The following SLC39A10 variants were observed in gnomAD, a reference collection of about 807,000 sequenced individuals.
SLC39A10 encodes the protein zinc transporter ZIP10.
SLC39A10 carries 13 observed loss-of-function variants against 65.1 expected under a neutral mutation model. The ratio of observed to expected loss-of-function variants is 0.20; its 90% CI spans 0.13 to 0.32. SLC39A10 has a LOEUF of 0.32. Ranked by LOEUF, SLC39A10 falls within the 10% of genes least tolerant of loss-of-function variation. SLC39A10 has a pLI of 1.00. For missense variants in SLC39A10, 831 were observed against 1,018.4 expected, an observed-to-expected ratio of 0.82 and a Z score of 2.50; for synonymous variants, 321 against 342.2, an observed-to-expected ratio of 0.94 and a Z score of 0.68.
intron 9 of SLC39A10, among the ~76,000 whole-genome samples, chr2:195,731,790 GTT>G (rs1692440058): frequency 6.6e-6 from 1 of 152,168 alleles, no homozygotes; most frequent in Admixed American, 6.5e-5. Context: ...AAAGAATGGA[GTT>G]TATTAGAAGC....
At chr2:195,661,464 TC>T in intron 1 of SLC39A10, among the ~76,000 whole-genome samples, 1 of 152,222 alleles carries the variant, frequency 6.6e-6, no homozygotes, top group Admixed American at 6.5e-5. Flanking sequence ...GGTCACAAAC[TC>T]TTGGGCTCAG....
At chr2:195,617,870 G>A (rs1392756890) in intron 2 of SLC39A10, among the ~76,000 whole-genome samples, 5 of 151,330 alleles carry the variant, frequency 3.3e-5, no homozygotes, top group South Asian at 2.1e-4. Context: ...CTCCCGAGTA[G>A]CTGGGACCAC....
intron 1 of SLC39A10, among the ~76,000 whole-genome samples, chr2:195,661,799 G>A (rs1376159030): frequency 6.6e-6 from 1 of 152,130 alleles, no homozygotes; most frequent in Non-Finnish European, 1.5e-5. Context: ...GCTTGTACAA[G>A]TATAAGGACA....
intron 2 of SLC39A10, among the ~76,000 whole-genome samples, chr2:195,617,921 A>T (rs1460999148): frequency 6.7e-6 from 1 of 149,812 alleles, no homozygotes; most frequent in African/African-American, 2.4e-5. Flanking sequence ...TTGTATTTTT[A>T]GTAGAGACGG....
rs1433744823 is a variant in SLC39A10 at position 195,681,048 on chromosome 2, GAAGT to G, written c.1008+4_1008+7del. 2 of 1,602,000 alleles carry G rather than the reference GAAGT, an allele frequency of 1.2e-6. No individual in the cohort carries two copies. Among genetic ancestry groups the G allele is most frequent in the African/African-American group, 1.3e-5 (1 of 74,488 alleles). ...TCTAAATGAAGATGACCATCATCAT[GAAGT>G]AAGTATAAAAAGATGTCCGATAGCT... On this transcript the variant is annotated splice_donor_variant and coding_sequence_variant, in exon 2 of 10. Coordinates refer to ENST00000359634, the MANE Select transcript of SLC39A10 (RefSeq NM_020342.3). LOFTEE classifies it high-confidence loss of function.
At chr2:195,724,027 A>T (rs894032192) in intron 8 of SLC39A10, among the ~76,000 whole-genome samples, 1 of 116,662 alleles carries the variant, frequency 8.6e-6, no homozygotes, top group Non-Finnish European at 2.2e-5. Flanking sequence ...AATTTAAAAT[A>T]AGATTTTCAT....
chr2:195,669,953 G>A (rs539956108), intron 1 of SLC39A10, among the ~76,000 whole-genome samples: 2 of 152,358 alleles, frequency 1.3e-5, no homozygotes, highest in East Asian at 3.9e-4. Flanking sequence ...AAGTTCAGGA[G>A]ATCAAGACCA....
At chr2:195,695,079 G>A (rs10931707) in intron 3 of SLC39A10, among the ~76,000 whole-genome samples, 65,505 of 151,972 alleles carry the variant, frequency 0.43, 16,228 homozygotes, top group Non-Finnish European at 0.57. Context: ...AGCTGCAAAC[G>A]GAGGCAACTT....
upstream of SLC39A10, chr2:195,657,220 T>G: frequency 9.4e-6 from 2 of 212,698 alleles, no homozygotes; most frequent in Non-Finnish European, 1.6e-5. Flanking sequence ...GAATACACGA[T>G]TTGGTGCAGC....
Position 195,696,299 on chromosome 2 carries a change from GTTT to G in SLC39A10, c.1217-10313_1217-10311del, listed in dbSNP as rs1444834288. ...TGCAGTTTCACATGAATTTTAGGAT[GTTT>G]TTTATTTTTTATTTCTGAAAAAAAA... On this transcript the variant is annotated intron_variant, in intron 3 of 9. Transcript: ENST00000359634. 2.1e-4 allele frequency among the ~76,000 whole-genome samples: 26 copies of G among 123,322 alleles called. No homozygotes were observed. In the Admixed American group the frequency reaches 2.1e-3, roughly 10 times the overall value. 80.9% of individuals were successfully genotyped at this position (123,322 alleles called of 152,430 possible). A position where few individuals can be genotyped will look rare whatever the true frequency, so the allele number is the denominator to read the frequency against.
intron 3 of SLC39A10, among the ~76,000 whole-genome samples, chr2:195,705,069 T>G (rs565777530): frequency 6.6e-6 from 1 of 152,290 alleles, no homozygotes; most frequent in Admixed American, 6.5e-5. Flanking sequence ...AAGTGCTGTT[T>G]ACAAGCGTGA....
At chr2:195,620,895 C>T (rs1478648606) in intron 2 of SLC39A10, among the ~76,000 whole-genome samples, 1 of 152,170 alleles carries the variant, frequency 6.6e-6, no homozygotes, top group Non-Finnish European at 1.5e-5. Context: ...GAAAACCTGT[C>T]TCTTGCCATA....
rs149762701 is a variant in SLC39A10, at chr2:195,620,704, A to G, written c.-12+14471A>G. Among the ~76,000 whole-genome samples the G allele has an allele frequency of 2.7e-3, 412 of 152,308 alleles. 2 individuals are homozygous for G. Among genetic ancestry groups the G allele is most frequent in the African/African-American group, 8.9e-3 (371 of 41,554 alleles). On this transcript the variant is annotated intron_variant, in intron 2 of 2. Coordinates refer to the SLC39A10 transcript ENST00000458054. ...TCTACACTGTCAGCGCCCCTTCAAG[A>G]GCCATTCATTCATTGAATAACTATT...
chr2:195,727,277 T>C (rs1309524661), intron 8 of SLC39A10, among the ~76,000 whole-genome samples: 2 of 152,200 alleles, frequency 1.3e-5, no homozygotes, highest in Non-Finnish European at 2.9e-5. Context: ...GTTTTTGTCT[T>C]ACATCAGCTC....
At chr2:195,659,774 TAGTG>T (rs1034600885) in intron 1 of SLC39A10, among the ~76,000 whole-genome samples, 2 of 152,162 alleles carry the variant, frequency 1.3e-5, no homozygotes, top group African/African-American at 4.8e-5. Context: ...CTGAAGATGA[TAGTG>T]AGTTGATTTT....
upstream of SLC39A10, among the ~76,000 whole-genome samples, chr2:195,652,547 TAA>T (rs746583732): frequency 1.9e-4 from 23 of 123,722 alleles, no homozygotes; most frequent in Admixed American, 3.3e-4. Context: ...AGACTCATCT[TAA>T]AAAAAAAAAA....
intron 5 of SLC39A10, among the ~76,000 whole-genome samples, chr2:195,712,748 C>A (rs1482182176): frequency 1.3e-5 from 2 of 152,012 alleles, no homozygotes; most frequent in Admixed American, 1.3e-4. Flanking sequence ...CAATGAAGTA[C>A]AATAATTAGT....
At chr2:195,696,899 TATA>T (rs1690984086) in intron 3 of SLC39A10, among the ~76,000 whole-genome samples, 1 of 152,166 alleles carries the variant, frequency 6.6e-6, no homozygotes, top group African/African-American at 2.4e-5. Flanking sequence ...TTGGAGAAAG[TATA>T]GTACACTTGG....
intron 1 of SLC39A10, among the ~76,000 whole-genome samples, chr2:195,669,137 T>C (rs908039598): frequency 1.3e-5 from 2 of 152,252 alleles, no homozygotes; most frequent in African/African-American, 4.8e-5. Flanking sequence ...TAGGATTATT[T>C]TAGTATTTAT....
Sources: gnomAD v4.1 joint callset for allele counts (sites outside exome capture counted in the v4.1 genomes callset) on GRCh38, gnomAD v4.1.1 for gene constraint, MANE v1.5 for transcripts, NCBI Gene and HGNC (gene_info 2026-07-23, HGNC 2026-07-21) for gene names.